SOX6: variants seen among roughly 807,000 people sequenced by gnomAD.
The protein encoded by SOX6 is transcription factor SOX-6.
Under a neutral mutation model 97.8 loss-of-function variants are expected in SOX6, and 11 were observed. That is an observed-to-expected ratio of 0.11 (90% CI 0.07 to 0.19). The LOEUF (loss-of-function observed/expected upper bound fraction) is 0.19. SOX6 is among the 10% of genes least tolerant of loss of function. The probability of loss-of-function intolerance (pLI) is 1.00; values close to 1 mark genes in which losing one functional copy is unlikely to be tolerated. For synonymous variants in SOX6, 360 were observed against 371.4 expected (o/e 0.97, Z 0.35); for missense variants, 810 against 1,039.5 (o/e 0.78, Z 3.04).
At chr11:16,422,785 T>C (rs1378979595) in intron 1 of SOX6, among the ~76,000 whole-genome samples, 6 of 152,178 alleles carry the variant, frequency 3.9e-5, no homozygotes, top group Admixed American at 3.3e-4. Context: ...GCCATGCTAA[T>C]AGAGGAAGTG....
chr11:16,378,563 ATT>A (rs1857709797), intron 1 of SOX6, among the ~76,000 whole-genome samples: 1 of 152,132 alleles, frequency 6.6e-6, no homozygotes, highest in African/African-American at 2.4e-5. Flanking sequence ...TATGACTAAC[ATT>A]GTTGGCATAA....
intron 4 of SOX6, among the ~76,000 whole-genome samples, chr11:16,527,401 G>A (rs1196656303): frequency 6.6e-6 from 1 of 152,080 alleles, no homozygotes; most frequent in East Asian, 1.9e-4. Flanking sequence ...ACCTCTCCCA[G>A]ATGTATTCAT....
intron 3 of SOX6, among the ~76,000 whole-genome samples, chr11:16,698,605 A>G (rs1848070633): frequency 6.6e-6 from 1 of 152,198 alleles, no homozygotes; most frequent in Admixed American, 6.5e-5. Flanking sequence ...AGCTTTCAAC[A>G]TGGCTTCTTC....
chr11:16,146,913 A>G (rs1850320197), intron 6 of SOX6, among the ~76,000 whole-genome samples: 1 of 152,324 alleles, frequency 6.6e-6, no homozygotes, highest in African/African-American at 2.4e-5. Flanking sequence ...TGGGACTGTA[A>G]ACTAGTTCGA....
intron 4 of SOX6, among the ~76,000 whole-genome samples, chr11:16,537,281 C>A (rs1263054303): frequency 6.6e-6 from 1 of 152,110 alleles, no homozygotes; most frequent in African/African-American, 2.4e-5. Context: ...GCATCAACAT[C>A]AACAAAAGGA....
intron 4 of SOX6, among the ~76,000 whole-genome samples, chr11:16,229,843 T>C (rs1852796040): frequency 6.6e-6 from 1 of 151,928 alleles, no homozygotes; most frequent in Non-Finnish European, 1.5e-5. Flanking sequence ...TAGTTCATGT[T>C]ATTTATTCAA....
At chr11:16,446,846 T>C (rs1392174293) in intron 1 of SOX6, among the ~76,000 whole-genome samples, 1 of 152,104 alleles carries the variant, frequency 6.6e-6, no homozygotes, top group Non-Finnish European at 1.5e-5. Context: ...AGTAAGTTTT[T>C]CTATCCAGCA....
At chr11:16,384,552 T>C (rs1478600701) in intron 1 of SOX6, among the ~76,000 whole-genome samples, 1 of 151,892 alleles carries the variant, frequency 6.6e-6, no homozygotes, top group Non-Finnish European at 1.5e-5. Context: ...ATTACCTCTG[T>C]CTTTGCTTGC....
intron 1 of SOX6, among the ~76,000 whole-genome samples, chr11:16,466,926 G>A (rs1407982784): frequency 2.4e-5 from 2 of 83,310 alleles, no homozygotes; most frequent in East Asian, 4.3e-4. Flanking sequence ...GCGAGACTCC[G>A]TCTCAAAAAA....
intron 6 of SOX6, among the ~76,000 whole-genome samples, chr11:16,130,196 T>C (rs1252289428): frequency 2.6e-5 from 4 of 151,858 alleles, no homozygotes; most frequent in Non-Finnish European, 5.9e-5. Context: ...TACATTAGCA[T>C]AAAAATAAAA....
At chr11:15,990,260 A>G (rs1854005919) in intron 13 of SOX6, among the ~76,000 whole-genome samples, 1 of 152,076 alleles carries the variant, frequency 6.6e-6, no homozygotes, top group South Asian at 2.1e-4. Flanking sequence ...ATAATAAAAT[A>G]TTCATTAAGC....
intron 3 of SOX6, among the ~76,000 whole-genome samples, chr11:16,708,816 CAT>C (rs1415554132): frequency 6.6e-6 from 1 of 152,112 alleles, no homozygotes; most frequent in South Asian, 2.1e-4. Flanking sequence ...TTTCAGGTAA[CAT>C]ATTTTTCTCC....
At chr11:16,178,124 G>C (rs968585570) in intron 6 of SOX6, among the ~76,000 whole-genome samples, 12 of 151,916 alleles carry the variant, frequency 7.9e-5, no homozygotes, top group African/African-American at 2.9e-4. Context: ...TGATTCCATT[G>C]AGTAGCTCTT....
At chr11:16,079,572 A>G (rs1316631753) in intron 9 of SOX6, among the ~76,000 whole-genome samples, 2 of 152,186 alleles carry the variant, frequency 1.3e-5, no homozygotes, top group African/African-American at 4.8e-5. Flanking sequence ...TGTTAATACT[A>G]AAGTAAAATA....
chr11:16,604,261 C>G (rs535945031), intron 4 of SOX6, among the ~76,000 whole-genome samples: 1 of 152,318 alleles, frequency 6.6e-6, no homozygotes, highest in Non-Finnish European at 1.5e-5. Flanking sequence ...GGTGTCCGTC[C>G]TGTCCCTCCT....
intron 1 of SOX6, among the ~76,000 whole-genome samples, chr11:16,366,157 A>G (rs1857354272): frequency 6.6e-6 from 1 of 152,176 alleles, no homozygotes; most frequent in Non-Finnish European, 1.5e-5. Context: ...TCTAAGTACT[A>G]GGCATAGGGC....
chr11:16,500,300 G>C (rs1860682202), intron 4 of SOX6, among the ~76,000 whole-genome samples: 2 of 152,104 alleles, frequency 1.3e-5, no homozygotes, highest in Non-Finnish European at 2.9e-5. Context: ...AGGTATTCAT[G>C]GGACATATCT....
intron 4 of SOX6, among the ~76,000 whole-genome samples, chr11:16,592,076 C>T (rs1489898458): frequency 6.6e-6 from 1 of 151,948 alleles, no homozygotes; most frequent in Non-Finnish European, 1.5e-5. Flanking sequence ...ACAATATGTA[C>T]AAGTTTATAA....
intron 1 of SOX6, among the ~76,000 whole-genome samples, chr11:16,361,670 A>G (rs1857214833): frequency 6.6e-6 from 1 of 152,192 alleles, no homozygotes; most frequent in Admixed American, 6.5e-5. Flanking sequence ...ATCCTGAACC[A>G]GTGAAATACA....
Sources: allele counts gnomAD v4.1 joint callset (sites outside exome capture counted in the v4.1 genomes callset), GRCh38; gene constraint gnomAD v4.1.1; transcripts MANE v1.5; gene names NCBI Gene and HGNC (gene_info 2026-07-23, HGNC 2026-07-21).